GYPE: variants seen among roughly 807,000 people sequenced by gnomAD.
GYPE encodes glycophorin E (MNS blood group).
Under a neutral mutation model 11.6 loss-of-function variants are expected in GYPE, and 8 were observed. The ratio of observed to expected loss-of-function variants is 0.69; its 90% CI spans 0.41 to 1.25. GYPE has a LOEUF of 1.25. Among genes scored for constraint, GYPE ranks in the 50% most tolerant of loss-of-function variants. The probability of loss-of-function intolerance (pLI) is 0.01; values close to 1 mark genes in which losing one functional copy is unlikely to be tolerated. For synonymous variants in GYPE, 28 were observed against 29.6 expected (o/e 0.94, Z 0.18); for missense variants, 90 against 92.8 (o/e 0.97, Z 0.12).
At chr4:143,900,684 TATGG>T (rs1744829562) in intron 1 of GYPE, among the ~76,000 whole-genome samples, 1 of 151,962 alleles carries the variant, frequency 6.6e-6, no homozygotes, top group Non-Finnish European at 1.5e-5. Flanking sequence ...CACGCTACAA[TATGG>T]ATGAACTTTA....
intron 1 of GYPE, among the ~76,000 whole-genome samples, chr4:143,891,260 G>T (rs1342330234): frequency 6.6e-6 from 1 of 151,290 alleles, no homozygotes; most frequent in African/African-American, 2.4e-5. Flanking sequence ...GTAATGATTT[G>T]TGGGCAGTAG....
At chr4:143,896,435 A>G (rs965508766) in intron 1 of GYPE, among the ~76,000 whole-genome samples, 7 of 152,198 alleles carry the variant, frequency 4.6e-5, no homozygotes, top group Non-Finnish European at 7.4e-5. Flanking sequence ...CATCAGAGAA[A>G]TGCAAATCAA....
At chr4:143,879,122 GAA>G in intron 2 of GYPE, among the ~76,000 whole-genome samples, 1 of 152,142 alleles carries the variant, frequency 6.6e-6, no homozygotes, top group African/African-American at 2.4e-5. Context: ...GCCACTGTCT[GAA>G]TCTAAACTGT....
intron 1 of GYPE, among the ~76,000 whole-genome samples, chr4:143,894,741 T>A (rs1412677042): frequency 6.6e-6 from 1 of 152,166 alleles, no homozygotes; most frequent in African/African-American, 2.4e-5. Flanking sequence ...TGAACATTGA[T>A]GCAAAAATCC....
At chr4:143,904,143 T>G (rs559747903) in intron 1 of GYPE, among the ~76,000 whole-genome samples, 31 of 152,150 alleles carry the variant, frequency 2.0e-4, no homozygotes, top group Middle Eastern at 3.4e-3. Flanking sequence ...TAATTTTCTT[T>G]TCTCTCTGAC....
At chr4:143,876,002 A>C (rs1743792607) in intron 3 of GYPE, among the ~76,000 whole-genome samples, 1 of 152,038 alleles carries the variant, frequency 6.6e-6, no homozygotes, top group Non-Finnish European at 1.5e-5. Flanking sequence ...AAAAGCATTA[A>C]TGATTCAAAA....
intron 3 of GYPE, chr4:143,875,536 C>T (rs1743762584): frequency 2.6e-6 from 4 of 1,550,822 alleles, no homozygotes; most frequent in Non-Finnish European, 3.5e-6. Flanking sequence ...GAAGTTTCCA[C>T]TTCAGCCTCT....
chr4:143,877,507 TAAATC>T (rs1743861786), intron 2 of GYPE, among the ~76,000 whole-genome samples: 1 of 152,208 alleles, frequency 6.6e-6, no homozygotes, highest in African/African-American at 2.4e-5. Flanking sequence ...TGAAACAACT[TAAATC>T]AAGTAAGAGA....
At chr4:143,889,380 C>G (rs537034171) in intron 1 of GYPE, among the ~76,000 whole-genome samples, 20 of 152,172 alleles carry the variant, frequency 1.3e-4, no homozygotes, top group African/African-American at 4.3e-4. Context: ...TGTCCACTGT[C>G]CCAGTGGGAA....
intron 1 of GYPE, among the ~76,000 whole-genome samples, chr4:143,881,068 A>G (rs974931807): frequency 2.0e-5 from 3 of 152,114 alleles, no homozygotes; most frequent in African/African-American, 7.2e-5. Context: ...TACTTCTTCA[A>G]TAAAAATGGA....
chr4:143,877,404 A>G (rs1305398199), intron 2 of GYPE, among the ~76,000 whole-genome samples: 2 of 152,190 alleles, frequency 1.3e-5, no homozygotes, highest in African/African-American at 4.8e-5. Context: ...CAGGTCATCT[A>G]TATTCTAAGC....
chr4:143,905,541 C>G lies in GYPE; in HGVS notation c.-34G>C, dbSNP rs1390264731. On this transcript the variant is annotated 5_prime_UTR_variant, in exon 1 of 4. Coordinates refer to ENST00000358615, the MANE Select transcript of GYPE (RefSeq NM_198682.3). Reference sequence around the variant, plus strand: ...CACGAGCTGGCTCCTGAAGTTAGTGCAAAAAAACTACCAAAGACAACTGCA... The same window carrying G: ...CACGAGCTGGCTCCTGAAGTTAGTGGAAAAAAACTACCAAAGACAACTGCA... The G allele has an allele frequency of 1.9e-6, 3 of 1,612,374 alleles. No individual in the cohort carries two copies. The African/African-American group carries it at 4.0e-5, about 22-fold the overall frequency.
intron 1 of GYPE, among the ~76,000 whole-genome samples, chr4:143,883,790 A>T (rs1473124546): frequency 1.3e-5 from 2 of 151,818 alleles, no homozygotes; most frequent in African/African-American, 4.8e-5. Flanking sequence ...AAATATTTTC[A>T]ACATTTCAAT....
chr4:143,896,200 T>TACC (rs1744625933), intron 1 of GYPE, among the ~76,000 whole-genome samples: 1 of 152,058 alleles, frequency 6.6e-6, no homozygotes, highest in Admixed American at 6.6e-5. Context: ...CAAAAGAAAC[T>TACC]ACCATCAGAG....
rs1296762898 is a variant in GYPE at position 143,871,896 on chromosome 4, A to G, written c.*366T>C. Reference sequence around the variant, plus strand: ...GGTGGGTAAGGACCTCAGAGTATTCAAAGTATCAAATGGAATGTGACTGAA... The same window carrying G: ...GGTGGGTAAGGACCTCAGAGTATTCGAAGTATCAAATGGAATGTGACTGAA... On this transcript the variant is annotated 3_prime_UTR_variant, in exon 4 of 4. Coordinates refer to ENST00000358615, the MANE Select transcript of GYPE (RefSeq NM_198682.3). 1 of 152,156 alleles carries G rather than the reference A, an allele frequency of 6.6e-6. No homozygotes were observed. 9.4% of individuals were successfully genotyped at this position (152,156 alleles called of 1,614,324 possible).
chr4:143,871,068 G>T lies in GYPE; in HGVS notation c.*1194C>A, dbSNP rs1456644141. 1 of 148,608 alleles carries T rather than the reference G, an allele frequency of 6.7e-6. No homozygotes were observed. The highest frequency in any genetic ancestry group is 2.6e-5 in the African/African-American group (1 of 38,572). The allele number at this position is 148,608 out of a possible 1,614,324, so 9.2% of individuals were successfully genotyped here. ...TGTGAGAATTTACTCACTATCATGA[G>T]AATAGCACAGGGGAAACCACCGCAA... On this transcript the variant is annotated 3_prime_UTR_variant, in exon 4 of 4. Transcript: ENST00000358615.
At chr4:143,882,891 T>G (rs978219700) in intron 1 of GYPE, among the ~76,000 whole-genome samples, 8 of 152,278 alleles carry the variant, frequency 5.3e-5, no homozygotes, top group Non-Finnish European at 1.0e-4. Context: ...TTTCTCAGCA[T>G]GAGAATAGTG....
chr4:143,890,139 G>A (rs557429235), intron 1 of GYPE, among the ~76,000 whole-genome samples: 3 of 152,334 alleles, frequency 2.0e-5, no homozygotes, highest in South Asian at 2.1e-4. Flanking sequence ...TAGCCTGAGG[G>A]TAGGAGTGTT....
At chr4:143,894,831 G>C (rs1177647290) in intron 1 of GYPE, among the ~76,000 whole-genome samples, 1 of 151,954 alleles carries the variant, frequency 6.6e-6, no homozygotes, top group African/African-American at 2.4e-5. Flanking sequence ...TCATCCCTGG[G>C]ATGCAAGGCT....
Sources: gnomAD v4.1 joint callset for allele counts (sites outside exome capture counted in the v4.1 genomes callset) on GRCh38, gnomAD v4.1.1 for gene constraint, MANE v1.5 for transcripts, NCBI Gene and HGNC (gene_info 2026-07-23, HGNC 2026-07-21) for gene names.